The following ACOX2 variants were observed in gnomAD, a reference collection of about 807,000 sequenced individuals.
ACOX2 encodes peroxisomal acyl-coenzyme A oxidase 2.
ACOX2 carries 59 observed loss-of-function variants against 77.5 expected under a neutral mutation model. That is an observed-to-expected ratio of 0.76 (90% confidence interval 0.62 to 0.95). The LOEUF (loss-of-function observed/expected upper bound fraction) is 0.95. ACOX2 is among the 40% of genes least tolerant of loss of function. The pLI is 0.00. For synonymous variants in ACOX2, 317 were observed against 340.1 expected, an observed-to-expected ratio of 0.93 and a Z score of 0.75; for missense variants, 837 against 880.4, an observed-to-expected ratio of 0.95 and a Z score of 0.62.
chr3:58,507,621 T>C (rs982614317), intron 14 of ACOX2, among the ~76,000 whole-genome samples: 3 of 152,184 alleles, frequency 2.0e-5, no homozygotes, highest in African/African-American at 4.8e-5. Context: ...CTTTAGACCA[T>C]GGAAGCTAGT....
rs150131159 is a variant in ACOX2 at position 58,512,677 on chromosome 3, A to G, written c.1851-3652T>C. Among the ~76,000 whole-genome samples the G allele has an allele frequency of 2.6e-3, 393 of 152,106 alleles. 2 individuals carry two copies. Among genetic ancestry groups the G allele is most frequent in the Non-Finnish European group, 4.5e-3 (306 of 67,994 alleles). ...TTCTCTGGATGGATATGCCAAGCAC[A>G]CTCTGGTCTCCAACATTTGTACTGT... On this transcript the variant is annotated intron_variant, in intron 13 of 14. Transcript: ENST00000302819. The surrounding 1 kb of genome is among the most constrained non-coding windows in gnomAD (Gnocchi z 4.8).
rs141221443 is a variant in ACOX2 at position 58,533,484 on chromosome 3, T to C, written c.544A>G (p.Ser182Gly). The change falls in exon 5 of 15, where the codon AGC becomes GGC. Residue 182 changes from serine to glycine, a missense_variant. Coordinates refer to ENST00000302819, the MANE Select transcript of ACOX2 (RefSeq NM_003500.4). The surrounding 1 kb of genome is among the most constrained non-coding windows in gnomAD (Gnocchi z 5.6). Reference sequence around the variant, plus strand: ...CATTTGGTGGCAGTCAGCGTGGGGCTGTGTATCACAAACTCCTGGGTGGCT... The same window carrying C: ...CATTTGGTGGCAGTCAGCGTGGGGCCGTGTATCACAAACTCCTGGGTGGCT... Reference protein sequence around the residue: ...DAATQEFVIHSPTLTATKWWP... With the variant: ...DAATQEFVIHGPTLTATKWWP... 3.7e-6 allele frequency: 6 copies of C among 1,613,860 alleles called. No homozygotes were observed. The highest frequency in any genetic ancestry group is 3.4e-6 in the Non-Finnish European group (4 of 1,179,992).
In ACOX2 at chr3:58,521,431, AGTT is replaced by A. The variant is rs1422774307; in HGVS notation, c.1632+1062_1632+1064del. Among the ~76,000 whole-genome samples the A allele has an allele frequency of 6.6e-6, 1 of 152,096 alleles. No homozygotes were observed. Among genetic ancestry groups the A allele is most frequent in the Non-Finnish European group, 1.5e-5 (1 of 68,020 alleles). Reference sequence around the variant, plus strand: ...CCAGCTGCCTAAGCTAGAACTCAGGAGTTGTTCTTACCTCTTTCCCACCCCAGC... The same window carrying A: ...CCAGCTGCCTAAGCTAGAACTCAGGAGTTCTTACCTCTTTCCCACCCCAGC... On this transcript the variant is annotated intron_variant, in intron 12 of 14. Coordinates refer to ENST00000302819, the MANE Select transcript of ACOX2 (RefSeq NM_003500.4). This position sits in a 1 kb window ranked among gnomAD's most constrained non-coding sequence, Gnocchi z 4.8.
In ACOX2 at chr3:58,535,194, G is replaced by T; in HGVS notation, c.-88C>A. The stretch of plus-strand genomic sequence containing the variant: ...TGCTCTCAGCATTGGTCAGTGCAAA[G>T]AACCTGTGTGCAAGAGGAACTGCCT... On this transcript the variant is annotated 5_prime_UTR_variant, in exon 2 of 15. Coordinates refer to ENST00000302819, the MANE Select transcript of ACOX2 (RefSeq NM_003500.4). This position sits in a 1 kb window ranked among gnomAD's most constrained non-coding sequence, Gnocchi z 4.8. 6.5e-7 allele frequency: 1 copy of T among 1,544,472 alleles called. No individual in the cohort carries two copies. The highest frequency in any genetic ancestry group is 1.2e-5 in the South Asian group (1 of 86,704).
Position 58,535,280 on chromosome 3 carries a change from C to CTA in ACOX2, c.-91-84_-91-83insTA. The CTA allele has an allele frequency of 1.4e-6, 1 of 703,302 alleles. No individual in the cohort carries two copies. Among genetic ancestry groups the CTA allele is most frequent in the South Asian group, 1.8e-5 (1 of 55,732 alleles). 43.6% of individuals were successfully genotyped at this position (703,302 alleles called of 1,614,324 possible). ...AAAGACATCCCTAAGTACCTGAATG[C>CTA]CACTCCACCTCCCCACTCCCCCTGT... On this transcript the variant is annotated intron_variant, in intron 1 of 14. Coordinates refer to ENST00000302819, the MANE Select transcript of ACOX2 (RefSeq NM_003500.4). The surrounding 1 kb of genome is among the most constrained non-coding windows in gnomAD (Gnocchi z 4.8).
rs1477857608 is a variant in ACOX2 at position 58,514,113 on chromosome 3, C to T, written c.1850+3093G>A. On this transcript the variant is annotated intron_variant, in intron 13 of 14. Transcript: ENST00000302819. This position sits in a 1 kb window ranked among gnomAD's most constrained non-coding sequence, Gnocchi z 4.3. ...CTAGTCCACAGATCCTCTATTTACC[C>T]TTCTGCCAGGGCAGAGTCAAGGAAA... Among the ~76,000 whole-genome samples the T allele has an allele frequency of 2.0e-5, 3 of 152,140 alleles. No individual in the cohort carries two copies. Among genetic ancestry groups the T allele is most frequent in the Non-Finnish European group, 4.4e-5 (3 of 68,034 alleles).
chr3:58,522,386 G>T lies in ACOX2; in HGVS notation c.1632+110C>A. The T allele has an allele frequency of 9.8e-7, 1 of 1,019,100 alleles. No individual in the cohort carries two copies. Among genetic ancestry groups the T allele is most frequent in the Non-Finnish European group, 1.5e-6 (1 of 672,260 alleles). 63.1% of individuals were successfully genotyped at this position (1,019,100 alleles called of 1,614,324 possible). On this transcript the variant is annotated intron_variant, in intron 12 of 14. Coordinates refer to ENST00000302819, the MANE Select transcript of ACOX2 (RefSeq NM_003500.4). This position sits in a 1 kb window ranked among gnomAD's most constrained non-coding sequence, Gnocchi z 4.3. The stretch of plus-strand genomic sequence containing the variant: ...CCTTGGAAGTGAAATGAGGGCAGCC[G>T]CCACTGAAGCAGAGTTGGGGAATAA...
At chr3:58,532,379 C>CTTCT (rs779855332) in intron 5 of ACOX2, among the ~76,000 whole-genome samples, 104 of 144,402 alleles carry the variant, frequency 7.2e-4, no homozygotes, top group African/African-American at 1.1e-3. Flanking sequence ...TTTTCTTTTT[C>CTTCT]TTCTTTCTTT....
chr3:58,531,892 G>A lies in ACOX2; in HGVS notation c.584-80C>T, dbSNP rs978747302. The A allele has an allele frequency of 1.3e-6, 2 of 1,499,936 alleles. No individual in the cohort carries two copies. Among genetic ancestry groups the A allele is most frequent in the Non-Finnish European group, 1.8e-6 (2 of 1,129,018 alleles). 92.9% of individuals were successfully genotyped at this position (1,499,936 alleles called of 1,614,324 possible). A position where few individuals can be genotyped will look rare whatever the true frequency, so the allele number is the denominator to read the frequency against. On this transcript the variant is annotated intron_variant, in intron 5 of 14. Transcript: ENST00000302819. The surrounding 1 kb of genome is among the most constrained non-coding windows in gnomAD (Gnocchi z 5.8). The stretch of plus-strand genomic sequence containing the variant: ...CCAACCAACCCAGCCTCCTGGGGCT[G>A]GGGTTTTGGATGGGTACCTCTGGGG...
At chr3:58,518,637 A>T (rs2063338704) in intron 12 of ACOX2, among the ~76,000 whole-genome samples, 1 of 152,060 alleles carries the variant, frequency 6.6e-6, no homozygotes, top group Non-Finnish European at 1.5e-5. Flanking sequence ...AGTGCTTCTT[A>T]ATTGTTTTTT....
rs576759147 is a variant in ACOX2, at chr3:58,533,115, G to T, written c.583+330C>A. Among the ~76,000 whole-genome samples the T allele has an allele frequency of 3.9e-5, 6 of 152,274 alleles. No homozygotes were observed. Among genetic ancestry groups the T allele is most frequent in the Non-Finnish European group, 4.4e-5 (3 of 68,022 alleles). On this transcript the variant is annotated intron_variant, in intron 5 of 14. Coordinates refer to ENST00000302819, the MANE Select transcript of ACOX2 (RefSeq NM_003500.4). The surrounding 1 kb of genome is among the most constrained non-coding windows in gnomAD (Gnocchi z 5.6). ...AACTCGGGAGATGAGAGGAACCGGG[G>T]TTGTGAGGAGTGCCTAGGACTAGAC...
chr3:58,509,610 G>GTTTT lies in ACOX2; in HGVS notation c.1851-589_1851-586dup, dbSNP rs148187288. Among the ~76,000 whole-genome samples, 16 of 113,230 alleles carry GTTTT rather than the reference G, an allele frequency of 1.4e-4. 2 individuals carry two copies. Among genetic ancestry groups the GTTTT allele is most frequent in the Non-Finnish European group, 2.1e-4 (12 of 57,124 alleles). The allele number at this position is 113,230 out of a possible 152,430, so 74.3% of individuals were successfully genotyped here. A position where few individuals can be genotyped will look rare whatever the true frequency, so the allele number is the denominator to read the frequency against. ...TTTTCCTCAGAAGCAATTTCAATCT[G>GTTTT]TTTTTTTTTTTTTTTTTGATACAGA... On this transcript the variant is annotated intron_variant, in intron 13 of 14. Transcript: ENST00000302819.
In ACOX2 at chr3:58,526,603, C is replaced by T. The variant is rs773003921; in HGVS notation, c.1209G>A (p.Gln403=). Residue 403 remains glutamine, a synonymous_variant, in exon 10 of 15, where the codon CAG becomes CAA. Coordinates refer to ENST00000302819, the MANE Select transcript of ACOX2 (RefSeq NM_003500.4). This position sits in a 1 kb window ranked among gnomAD's most constrained non-coding sequence, Gnocchi z 4.3. The part of the protein sequence containing the change: ...MKAMMSEFCT[Q]GAEMCRRACG... ...AGGCCCTGCGGCACATCTCAGCTCCCTGGGTGCAGAATTCTGACATCATGG... is the reference window on the plus strand; with the variant it reads ...AGGCCCTGCGGCACATCTCAGCTCCTTGGGTGCAGAATTCTGACATCATGG... The T allele has an allele frequency of 2.2e-5, 36 of 1,614,100 alleles. No homozygotes were observed. Among genetic ancestry groups the T allele is most frequent in the Admixed American group, 1.3e-4 (8 of 60,008 alleles).
rs2063454486 is a variant in ACOX2 at position 58,533,283 on chromosome 3, A to G, written c.583+162T>C. Among the ~76,000 whole-genome samples, 1 of 152,184 alleles carries G rather than the reference A, an allele frequency of 6.6e-6. No individual in the cohort carries two copies. On this transcript the variant is annotated intron_variant, in intron 5 of 14. Coordinates refer to ENST00000302819, the MANE Select transcript of ACOX2 (RefSeq NM_003500.4). The surrounding 1 kb of genome is among the most constrained non-coding windows in gnomAD (Gnocchi z 5.6). ...TAATATCCCACCTATTTTACAGAGT[A>G]AGAACCTGAGGCTCAGGTTGGTGAA...
Position 58,531,616 on chromosome 3 carries a change from C to T in ACOX2, c.703+77G>A, listed in dbSNP as rs1346778481. The T allele has an allele frequency of 3.8e-6, 6 of 1,569,114 alleles. No homozygotes were observed. In the South Asian group the frequency reaches 7.2e-5, roughly 19 times the overall value. On this transcript the variant is annotated intron_variant, in intron 6 of 14. Transcript: ENST00000302819. The surrounding 1 kb of genome is among the most constrained non-coding windows in gnomAD (Gnocchi z 5.8). Reference sequence around the variant, plus strand: ...ACATGTCTTAGCTACTCCTGTGGCCCTCTGGGGCCCCAGGTCAGGGAGGCC... The same window carrying T: ...ACATGTCTTAGCTACTCCTGTGGCCTTCTGGGGCCCCAGGTCAGGGAGGCC...
intron 8 of ACOX2, among the ~76,000 whole-genome samples, chr3:58,530,047 C>T (rs894513100): frequency 3.3e-5 from 5 of 152,230 alleles, no homozygotes; most frequent in East Asian, 3.8e-4. Context: ...TTGCTAGGCT[C>T]GGCCTGACAG....
intron 12 of ACOX2, among the ~76,000 whole-genome samples, chr3:58,520,305 A>C (rs2063350040): frequency 6.6e-6 from 1 of 152,252 alleles, no homozygotes; most frequent in African/African-American, 2.4e-5. Flanking sequence ...TGAGATCCAC[A>C]CCAGGGCTGT....
Position 58,525,438 on chromosome 3 carries a change from G to A in ACOX2, c.1347-833C>T, listed in dbSNP as rs2063387474. Among the ~76,000 whole-genome samples the A allele has an allele frequency of 6.6e-6, 1 of 152,236 alleles. No homozygotes were observed. Among genetic ancestry groups the A allele is most frequent in the African/African-American group, 2.4e-5 (1 of 41,468 alleles). On this transcript the variant is annotated intron_variant, in intron 10 of 14. Coordinates refer to ENST00000302819, the MANE Select transcript of ACOX2 (RefSeq NM_003500.4). This position sits in a 1 kb window ranked among gnomAD's most constrained non-coding sequence, Gnocchi z 5.0. ...CGGCCTCCAGGGCCCACAGACCTAA[G>A]AGGGATGAAAAGAAATCGCCTGTGT...
chr3:58,526,775 T>C lies in ACOX2; in HGVS notation c.1156-119A>G, dbSNP rs2063399002. On this transcript the variant is annotated intron_variant, in intron 9 of 14. Transcript: ENST00000302819. This position sits in a 1 kb window ranked among gnomAD's most constrained non-coding sequence, Gnocchi z 4.3. ...CAGCTCAGCTCTGAGGTAAGAAGTG[T>C]TTCCTCTGCTCACAACTTTATGAAT... is the stretch of plus-strand genomic sequence containing the variant. 2.7e-5 allele frequency: 30 copies of C among 1,098,974 alleles called. No individual in the cohort carries two copies. The highest frequency in any genetic ancestry group is 3.6e-5 in the Non-Finnish European group (28 of 776,986). The allele number at this position is 1,098,974 out of a possible 1,614,324, so 68.1% of individuals were successfully genotyped here. A position where few individuals can be genotyped will look rare whatever the true frequency, so the allele number is the denominator to read the frequency against.
Sources: allele counts gnomAD v4.1 joint callset (sites outside exome capture counted in the v4.1 genomes callset), GRCh38; gene constraint gnomAD v4.1.1; non-coding constraint Gnocchi (gnomAD v3.1); transcripts MANE v1.5; gene names NCBI Gene and HGNC (gene_info 2026-07-23, HGNC 2026-07-21).